Variants in UBP1 observed in about 807,000 individuals in gnomAD.
UBP1 encodes upstream binding protein 1, also known as upstream-binding protein 1.
A neutral mutation model predicts 76.1 loss-of-function variants in UBP1; 22 were observed. The ratio of observed to expected loss-of-function variants is 0.29; its 90% CI spans 0.21 to 0.41. The LOEUF is 0.41. Among genes scored for constraint, UBP1 ranks in the 10% least tolerant of loss-of-function variants. UBP1 has a pLI of 1.00. For synonymous variants in UBP1, 224 were observed against 237.1 expected (o/e 0.94, Z 0.51); for missense variants, 436 against 668.1 (o/e 0.65, Z 3.83).
chr3:33,392,888 G>A (rs758252792), intron 14 of UBP1: 16 of 379,898 alleles, frequency 4.2e-5, no homozygotes, highest in South Asian at 4.0e-4. Context: ...ATGATGACTC[G>A]AACAAAAATT....
At chr3:33,396,640 C>T in intron 12 of UBP1, 1 of 407,984 alleles carries the variant, frequency 2.5e-6, no homozygotes. Context: ...TACAAGCCAG[C>T]ACAATTTACA....
At chr3:33,430,579 GGTA>G (rs2045096111) in intron 1 of UBP1, among the ~76,000 whole-genome samples, 1 of 152,172 alleles carries the variant, frequency 6.6e-6, no homozygotes, top group African/African-American at 2.4e-5. Context: ...TTTGTCTGCT[GGTA>G]TTCAGATCTT....
chr3:33,392,432 C>T (rs2043805247), intron 15 of UBP1, 131 bp downstream of exon 15: 2 of 764,218 alleles, frequency 2.6e-6, no homozygotes, highest in Non-Finnish European at 4.0e-6. Context: ...GAAATATTCT[C>T]ATTTATCAAA....
Position 33,392,555 on chromosome 3 carries a change from C to T in UBP1, c.1585+8G>A. ...CAGCATTTTAAGACACACACACATG[C>T]AAAGTACCTTTTACTGTGGAGAATA... is the stretch of plus-strand genomic sequence containing the variant. On this transcript the variant is annotated splice_region_variant and intron_variant, in intron 15 of 15. Transcript: ENST00000283629. 1 of 1,607,250 alleles carries T rather than the reference C, an allele frequency of 6.2e-7. No individual in the cohort carries two copies. Among genetic ancestry groups the T allele is most frequent in the Non-Finnish European group, 8.5e-7 (1 of 1,176,978 alleles).
chr3:33,412,650 C>T lies in UBP1; in HGVS notation c.448+72G>A, dbSNP rs1295870443. ...TTCCCCACACAAGTAATTCATGATGCCAACACAACACATTACTGGCTATAG... is the reference window on the plus strand; with the variant it reads ...TTCCCCACACAAGTAATTCATGATGTCAACACAACACATTACTGGCTATAG... On this transcript the variant is annotated intron_variant, in intron 4 of 15. Transcript: ENST00000283629. The T allele has an allele frequency of 5.0e-6, 5 of 1,004,828 alleles. No individual in the cohort carries two copies. The East Asian group carries it at 7.2e-5, about 15-fold the overall frequency. The allele number at this position is 1,004,828 out of a possible 1,614,324, so 62.2% of individuals were successfully genotyped here. A position where few individuals can be genotyped will look rare whatever the true frequency, so the allele number is the denominator to read the frequency against.
At chr3:33,396,101 C>A in intron 13 of UBP1, 61 bp downstream of exon 13, 1 of 1,427,282 alleles carries the variant, frequency 7.0e-7, no homozygotes, top group South Asian at 1.4e-5. Flanking sequence ...TCAATCGAGT[C>A]CTTTCCGTTT....
intron 1 of UBP1, among the ~76,000 whole-genome samples, chr3:33,426,256 T>C (rs2045016147): frequency 6.6e-6 from 1 of 151,844 alleles, no homozygotes; most frequent in Non-Finnish European, 1.5e-5. Context: ...GTTAAGAACA[T>C]GAAGCTTCAT....
Position 33,396,077 on chromosome 3 carries a change from T to C in UBP1, c.1390+85A>G, listed in dbSNP as rs1323819627. 6.4e-6 allele frequency: 8 copies of C among 1,257,946 alleles called. No individual in the cohort carries two copies. The East Asian group carries it at 2.0e-4, about 31-fold the overall frequency. The allele number at this position is 1,257,946 out of a possible 1,614,324, so 77.9% of individuals were successfully genotyped here. A position where few individuals can be genotyped will look rare whatever the true frequency, so the allele number is the denominator to read the frequency against. On this transcript the variant is annotated intron_variant, in intron 13 of 15. Coordinates refer to ENST00000283629, the MANE Select transcript of UBP1 (RefSeq NM_014517.5). Reference sequence around the variant, plus strand: ...TTGGCATTCCTAACACAGCAAGAGTTCTCCAAAGCCTGCTCAATCGAGTCC... The same window carrying C: ...TTGGCATTCCTAACACAGCAAGAGTCCTCCAAAGCCTGCTCAATCGAGTCC...
At chr3:33,401,043 T>A (rs373936845) in intron 9 of UBP1, 27 bp from the exon 10 acceptor site, 2 of 1,576,358 alleles carry the variant, frequency 1.3e-6, no homozygotes, top group Non-Finnish European at 1.7e-6. Flanking sequence ...AAGAAGGAAA[T>A]GATGATTTTT....
chr3:33,419,223 A>T (rs969436056), intron 2 of UBP1, among the ~76,000 whole-genome samples: 1 of 152,054 alleles, frequency 6.6e-6, no homozygotes, highest in African/African-American at 2.4e-5. Context: ...GGCCAAGTGG[A>T]GTGGCTCACA....
chr3:33,408,761 G>A lies in UBP1; in HGVS notation c.856C>T (p.His286Tyr), dbSNP rs757556739. 5.0e-6 allele frequency: 8 copies of A among 1,613,856 alleles called. No individual in the cohort carries two copies. The highest frequency in any genetic ancestry group is 1.1e-5 in the South Asian group (1 of 91,080). The change falls in exon 8 of 16, where the codon CAT becomes TAT. Residue 286 changes from histidine (H) to tyrosine (Y), a missense_variant. Transcript: ENST00000283629. ...LEPIIEDAVE[H>Y]EQKKSSKRTL... ...CGCTTGCTGGACTTTTTCTGCTCAT[G>A]TTCAACTGCATCTTCAATTATAGGC...
intron 13 of UBP1, among the ~76,000 whole-genome samples, chr3:33,395,515 C>T (rs1280508853): frequency 6.6e-6 from 1 of 151,644 alleles, no homozygotes; most frequent in African/African-American, 2.4e-5. Flanking sequence ...TGTCCTAATC[C>T]AGCACTATAC....
chr3:33,392,779 C>T, intron 14 of UBP1, 165 bp from the exon 15 acceptor site: 1 of 629,580 alleles, frequency 1.6e-6, no homozygotes, highest in Non-Finnish European at 2.7e-6. Flanking sequence ...ACGTGCTGCA[C>T]TGCCTTGTGT....
intron 1 of UBP1, among the ~76,000 whole-genome samples, chr3:33,436,002 C>G (rs1028389338): frequency 1.7e-4 from 26 of 152,106 alleles, no homozygotes; most frequent in African/African-American, 5.8e-4. Context: ...TAGCATGAGA[C>G]CAAAAGAAAA....
intron 8 of UBP1, among the ~76,000 whole-genome samples, chr3:33,407,407 TC>T (rs901216588): frequency 4.6e-5 from 7 of 151,608 alleles, no homozygotes; most frequent in Middle Eastern, 3.4e-3. Context: ...GTTGCCAGAA[TC>T]CCCCCCAAAG....
chr3:33,411,541 A>G (rs746804117), intron 5 of UBP1, 40 bp downstream of exon 5: 1 of 1,552,074 alleles, frequency 6.4e-7, no homozygotes, highest in Non-Finnish European at 8.9e-7. Flanking sequence ...TGACCTAAAT[A>G]ACTAGGTTAG....
At chr3:33,429,824 C>G (rs1559692454) in intron 1 of UBP1, among the ~76,000 whole-genome samples, 1 of 152,208 alleles carries the variant, frequency 6.6e-6, no homozygotes, top group Non-Finnish European at 1.5e-5. Flanking sequence ...AAATGAATGA[C>G]TGCAAGACCC....
chr3:33,433,389 A>C (rs2045147873), intron 1 of UBP1, among the ~76,000 whole-genome samples: 1 of 140,424 alleles, frequency 7.1e-6, no homozygotes, highest in African/African-American at 2.8e-5. Context: ...AAAAAAAAAA[A>C]GACTACCATA....
intron 13 of UBP1, among the ~76,000 whole-genome samples, chr3:33,395,644 G>C (rs574894623): frequency 2.4e-3 from 343 of 145,040 alleles, no homozygotes; most frequent in African/African-American, 8.4e-3. Context: ...AATGCTGGCC[G>C]AACACTTGTC....
Sources: gnomAD v4.1 joint callset for allele counts (sites outside exome capture counted in the v4.1 genomes callset) on GRCh38, gnomAD v4.1.1 for gene constraint, MANE v1.5 for transcripts, NCBI Gene and HGNC (gene_info 2026-07-23, HGNC 2026-07-21) for gene names.